Variants in LAMA4 observed in about 807,000 individuals in gnomAD.
LAMA4 encodes the protein laminin subunit alpha 4.
A neutral mutation model predicts 207.1 loss-of-function variants in LAMA4; 127 were observed. The observed-to-expected ratio is 0.61, with a 90% confidence interval of 0.53 to 0.71. The LOEUF is 0.71. LAMA4 is among the 30% of genes least tolerant of loss of function. The pLI, the probability that LAMA4 is intolerant of heterozygous loss-of-function variation, is 0.00. For synonymous variants in LAMA4, 761 were observed against 816.0 expected (o/e 0.93, Z 1.15); for missense variants, 2,093 against 2,246.5 (o/e 0.93, Z 1.38).
intron 16 of LAMA4, among the ~76,000 whole-genome samples, chr6:112,153,972 TGATTAAATGA>T (rs1562668641): frequency 6.6e-6 from 1 of 152,138 alleles, no homozygotes; most frequent in Non-Finnish European, 1.5e-5. Flanking sequence ...AGAAAATGCA[TGATTAAATGA>T]GATTAATTAC....
At chr6:112,198,164 G>C (rs1039639398) in intron 5 of LAMA4, among the ~76,000 whole-genome samples, 8 of 152,090 alleles carry the variant, frequency 5.3e-5, no homozygotes, top group African/African-American at 1.9e-4. Context: ...CAAAATACAG[G>C]TCCTGGGCCT....
chr6:112,204,505 C>T (rs576454738), intron 4 of LAMA4, among the ~76,000 whole-genome samples: 1 of 150,826 alleles, frequency 6.6e-6, no homozygotes, highest in Non-Finnish European at 1.5e-5. Context: ...TGCAGCTCGA[C>T]GCCTATAAAC....
At chr6:112,168,057 G>T (rs1257122539) in intron 12 of LAMA4, among the ~76,000 whole-genome samples, 1 of 151,952 alleles carries the variant, frequency 6.6e-6, no homozygotes, top group African/African-American at 2.4e-5. Flanking sequence ...AATTAGCCGG[G>T]CGTGGTGGCG....
chr6:112,197,903 C>T (rs150594657), intron 5 of LAMA4, among the ~76,000 whole-genome samples: 1 of 152,252 alleles, frequency 6.6e-6, no homozygotes, highest in African/African-American at 2.4e-5. Flanking sequence ...CTTATTATAA[C>T]GTGACACAGC....
rs184838806 is a variant in LAMA4, at chr6:112,200,266, C to T, written c.503+1342G>A. On this transcript the variant is annotated intron_variant, in intron 5 of 38. Coordinates refer to ENST00000230538, the MANE Select transcript of LAMA4 (RefSeq NM_001105206.3). ...CAAAAGAAGACATTTATGTGGCCAA[C>T]AAACATATGAAAAAAAGCTCATCAT... 395 of 449,264 alleles carry T rather than the reference C, an allele frequency of 8.8e-4. 6 individuals are homozygous for T. The highest frequency in any genetic ancestry group is 5.7e-3 in the South Asian group (336 of 59,130). 27.8% of individuals were successfully genotyped at this position (449,264 alleles called of 1,614,324 possible).
chr6:112,174,862 T>G (rs1554343096), intron 11 of LAMA4, among the ~76,000 whole-genome samples: 3 of 152,178 alleles, frequency 2.0e-5, no homozygotes, highest in African/African-American at 7.2e-5. Context: ...ACTACTGTGA[T>G]TTGGTGCCTA....
chr6:112,154,440 C>T (rs782180813), intron 16 of LAMA4, among the ~76,000 whole-genome samples: 3 of 151,366 alleles, frequency 2.0e-5, no homozygotes, highest in African/African-American at 4.9e-5. Flanking sequence ...AGTGATGACT[C>T]GTTCCTTCAT....
At chr6:112,222,876 T>C (rs1785000641) in intron 2 of LAMA4, among the ~76,000 whole-genome samples, 1 of 152,248 alleles carries the variant, frequency 6.6e-6, no homozygotes, top group Non-Finnish European at 1.5e-5. Context: ...GGTTTTCTTT[T>C]AGAAATGTTG....
At chr6:112,176,480 TA>T in intron 10 of LAMA4, among the ~76,000 whole-genome samples, 1 of 152,344 alleles carries the variant, frequency 6.6e-6, no homozygotes, top group Middle Eastern at 3.4e-3. Flanking sequence ...TTTATGTGGA[TA>T]ATAGCTTGAA....
intron 2 of LAMA4, among the ~76,000 whole-genome samples, chr6:112,240,055 C>CA (rs1287921832): frequency 6.6e-6 from 1 of 150,444 alleles, no homozygotes; most frequent in East Asian, 1.9e-4. Flanking sequence ...GACTCTGTCT[C>CA]AAAAAAACAA....
chr6:112,162,622 G>A (rs1554338694), intron 13 of LAMA4, among the ~76,000 whole-genome samples: 1 of 152,168 alleles, frequency 6.6e-6, no homozygotes, highest in Non-Finnish European at 1.5e-5. Flanking sequence ...AGATGGAGAA[G>A]ACTGGGGAAG....
chr6:112,163,435 G>T (rs1263379569), intron 13 of LAMA4, among the ~76,000 whole-genome samples: 1 of 152,218 alleles, frequency 6.6e-6, no homozygotes, highest in African/African-American at 2.4e-5. Context: ...CAGAGGCGAG[G>T]CTAGCAAAGG....
chr6:112,139,814 G>A lies in LAMA4; in HGVS notation c.3048C>T (p.Ile1016=), dbSNP rs1554332620. Residue 1016 remains isoleucine, a synonymous_variant, in exon 23 of 39, where the codon ATC becomes ATT. Transcript: ENST00000230538. ...LELATLNNDV[I]SLYNFKHIYN... ...AGATGTGCTTAAAGTTGTACAAGCTGATCACATCATTATTCAAAGTGGCCA... is the reference window on the plus strand; with the variant it reads ...AGATGTGCTTAAAGTTGTACAAGCTAATCACATCATTATTCAAAGTGGCCA... The A allele has an allele frequency of 6.2e-7, 1 of 1,613,922 alleles. No homozygotes were observed. Among genetic ancestry groups the A allele is most frequent in the South Asian group, 1.1e-5 (1 of 91,084 alleles).
In LAMA4 at chr6:112,114,171, T is replaced by C. The variant is rs781975239; in HGVS notation, c.5231A>G (p.Gln1744Arg). 6.2e-7 allele frequency: 1 copy of C among 1,613,862 alleles called. No individual in the cohort carries two copies. Among genetic ancestry groups the C allele is most frequent in the Non-Finnish European group, 8.5e-7 (1 of 1,179,774 alleles). ...ITVIRDSNVVQLDVDSEVNHV... is the reference protein window; with the variant it reads ...ITVIRDSNVVRLDVDSEVNHV... ...GTTCACTTCAGAGTCCACATCCAAC[T>C]GAACCACATTAGAATCTCTAATAAC... The change falls in exon 38 of 39, where the codon CAG (glutamine) becomes CGG (arginine). Residue 1744 changes from glutamine to arginine, a missense_variant. By Grantham distance (43) the Gln-to-Arg change is conservative (BLOSUM62 1). Transcript: ENST00000230538.
In LAMA4 at chr6:112,117,683, G is replaced by A. The variant is rs1778100637; in HGVS notation, c.4981+56C>T. 1 of 1,531,302 alleles carries A rather than the reference G, an allele frequency of 6.5e-7. No individual in the cohort carries two copies. Among genetic ancestry groups the A allele is most frequent in the African/African-American group, 1.4e-5 (1 of 73,368 alleles). 94.9% of individuals were successfully genotyped at this position (1,531,302 alleles called of 1,614,324 possible). Reference sequence around the variant, plus strand: ...ACTCTGGGCCTGATATTCCCTGTTAGCCATCTCCAGGAAGAAGCATTTCAT... The same window carrying A: ...ACTCTGGGCCTGATATTCCCTGTTAACCATCTCCAGGAAGAAGCATTTCAT... On this transcript the variant is annotated intron_variant, in intron 35 of 38. Transcript: ENST00000230538. The surrounding 1 kb of genome is among the most constrained non-coding windows in gnomAD (Gnocchi z 4.5).
At chr6:112,147,015 T>C (rs1337800889) in intron 18 of LAMA4, among the ~76,000 whole-genome samples, 2 of 152,210 alleles carry the variant, frequency 1.3e-5, no homozygotes, top group Non-Finnish European at 2.9e-5. Flanking sequence ...AGAGTACTTA[T>C]AAAGTGTCTT....
At chr6:112,128,295 G>C (rs560089501) in intron 31 of LAMA4, among the ~76,000 whole-genome samples, 78 of 152,162 alleles carry the variant, frequency 5.1e-4, no homozygotes, top group Middle Eastern at 3.2e-3. Context: ...AAACGCGGAT[G>C]AGCCTGGAGG....
At chr6:112,138,793 T>A (rs1438640879) in intron 24 of LAMA4, among the ~76,000 whole-genome samples, 3 of 152,148 alleles carry the variant, frequency 2.0e-5, no homozygotes, top group African/African-American at 7.2e-5. Flanking sequence ...TGCTTTAAAA[T>A]TGATTAGGGC....
chr6:112,186,589 C>T (rs1207051440), intron 8 of LAMA4, among the ~76,000 whole-genome samples: 2 of 152,144 alleles, frequency 1.3e-5, no homozygotes, highest in Non-Finnish European at 2.9e-5. Flanking sequence ...TGCTCCAGTT[C>T]CTGATACAAA....
Sources: allele counts gnomAD v4.1 joint callset (sites outside exome capture counted in the v4.1 genomes callset), GRCh38; gene constraint gnomAD v4.1.1; non-coding constraint Gnocchi (gnomAD v3.1); transcripts MANE v1.5; gene names NCBI Gene and HGNC (gene_info 2026-07-23, HGNC 2026-07-21).